The following ZNF804B variants were observed in gnomAD, a reference collection of about 807,000 sequenced individuals.
The protein encoded by ZNF804B is zinc finger 804B.
ZNF804B carries 80 observed loss-of-function variants against 101.4 expected under a neutral mutation model. The ratio of observed to expected loss-of-function variants is 0.79; its 90% CI spans 0.66 to 0.95. The LOEUF is 0.95. Among genes scored for constraint, ZNF804B ranks in the 40% least tolerant of loss-of-function variants. The pLI is 0.00. For missense variants in ZNF804B, 1,673 were observed against 1,561.9 expected (o/e 1.07, Z -1.20); for synonymous variants, 622 against 558.8 (o/e 1.11, Z -1.59).
chr7:89,308,273 T>C (rs1584117011), intron 2 of ZNF804B, among the ~76,000 whole-genome samples: 1 of 152,158 alleles, frequency 6.6e-6, no homozygotes, highest in Non-Finnish European at 1.5e-5. Flanking sequence ...GCAATACTAG[T>C]GAAATGCATG....
At chr7:88,971,828 T>C (rs1006465223) in intron 1 of ZNF804B, among the ~76,000 whole-genome samples, 1 of 151,562 alleles carries the variant, frequency 6.6e-6, no homozygotes. Context: ...GTGCATTCAC[T>C]CTGTGAGGAC....
At chr7:89,329,211 G>C (rs1468136) in intron 3 of ZNF804B, among the ~76,000 whole-genome samples, 33,014 of 151,496 alleles carry the variant, frequency 0.22, 4,050 homozygotes, top group Admixed American at 0.28. Flanking sequence ...GTATTGTTAT[G>C]GAAAAGACAA....
intron 3 of ZNF804B, among the ~76,000 whole-genome samples, chr7:89,331,021 A>G (rs1790968927): frequency 6.6e-6 from 1 of 151,124 alleles, no homozygotes; most frequent in South Asian, 2.1e-4. Flanking sequence ...ATTTAACATG[A>G]TATAATAAAT....
At chr7:88,771,849 AGAG>A (rs1790070284) in intron 1 of ZNF804B, among the ~76,000 whole-genome samples, 1 of 152,096 alleles carries the variant, frequency 6.6e-6, no homozygotes, top group African/African-American at 2.4e-5. Context: ...TCATTACTTG[AGAG>A]GAGATATGAA....
At chr7:88,868,374 G>T (rs1429476867) in intron 1 of ZNF804B, among the ~76,000 whole-genome samples, 4 of 152,038 alleles carry the variant, frequency 2.6e-5, no homozygotes, top group East Asian at 1.9e-4. Context: ...ACAGAATAAA[G>T]GTATTTGAGT....
At chr7:88,893,540 T>C (rs894805733) in intron 1 of ZNF804B, among the ~76,000 whole-genome samples, 1 of 151,962 alleles carries the variant, frequency 6.6e-6, no homozygotes, top group South Asian at 2.1e-4. Flanking sequence ...TCAAAAACCA[T>C]ACAGTAGAAA....
chr7:89,258,978 A>AT (rs113653865), intron 2 of ZNF804B, among the ~76,000 whole-genome samples: 2,265 of 149,500 alleles, frequency 0.015, 53 homozygotes, highest in African/African-American at 0.05. Flanking sequence ...TTTCTGTCTG[A>AT]TTTTTTTTTT....
intron 2 of ZNF804B, among the ~76,000 whole-genome samples, chr7:89,263,619 G>A (rs892194499): frequency 4.0e-5 from 6 of 151,686 alleles, no homozygotes; most frequent in African/African-American, 1.5e-4. Context: ...ACTTATGCAG[G>A]TGTCATTAAG....
chr7:89,282,060 G>C (rs989344316), intron 2 of ZNF804B, among the ~76,000 whole-genome samples: 1 of 151,906 alleles, frequency 6.6e-6, no homozygotes, highest in African/African-American at 2.4e-5. Flanking sequence ...AATTAGCCGG[G>C]CGTGGTGGCG....
At chr7:88,975,245 G>A (rs2116120393) in intron 1 of ZNF804B, among the ~76,000 whole-genome samples, 1 of 151,294 alleles carries the variant, frequency 6.6e-6, no homozygotes, top group Admixed American at 6.6e-5. Flanking sequence ...AACATGGGAG[G>A]GCAGATGTCT....
chr7:89,020,619 G>T (rs932764345), intron 1 of ZNF804B, among the ~76,000 whole-genome samples: 1 of 152,094 alleles, frequency 6.6e-6, no homozygotes, highest in African/African-American at 2.4e-5. Context: ...AGACTTGGAA[G>T]TTTTCAGCTA....
At chr7:89,163,649 G>A (rs983658669) in intron 1 of ZNF804B, among the ~76,000 whole-genome samples, 6 of 150,976 alleles carry the variant, frequency 4.0e-5, no homozygotes, top group Non-Finnish European at 8.9e-5. Flanking sequence ...AACGGAAACA[G>A]CATTGGTCAC....
intron 1 of ZNF804B, among the ~76,000 whole-genome samples, chr7:88,871,687 G>A (rs1342760285): frequency 6.6e-6 from 1 of 152,064 alleles, no homozygotes; most frequent in Admixed American, 6.6e-5. Flanking sequence ...AACTGGGCTG[G>A]GTGCTGTGGC....
intron 2 of ZNF804B, among the ~76,000 whole-genome samples, chr7:89,310,149 T>G (rs1245734916): frequency 6.6e-6 from 1 of 151,726 alleles, no homozygotes; most frequent in Non-Finnish European, 1.5e-5. Flanking sequence ...TGGAATGCAG[T>G]TCTGATGCTT....
At chr7:88,832,982 G>A (rs1465523347) in intron 1 of ZNF804B, among the ~76,000 whole-genome samples, 1 of 151,984 alleles carries the variant, frequency 6.6e-6, no homozygotes, top group Non-Finnish European at 1.5e-5. Flanking sequence ...AAATACATCA[G>A]TGTCAGTGCA....
intron 2 of ZNF804B, among the ~76,000 whole-genome samples, chr7:89,304,552 T>C (rs113317913): frequency 4.0e-5 from 6 of 151,574 alleles, no homozygotes; most frequent in African/African-American, 1.2e-4. Context: ...TATGTGTGTG[T>C]CTATCTGTGT....
intron 1 of ZNF804B, among the ~76,000 whole-genome samples, chr7:88,886,335 A>G (rs1250761901): frequency 6.6e-6 from 1 of 152,086 alleles, no homozygotes; most frequent in Non-Finnish European, 1.5e-5. Flanking sequence ...GAGGAGCAGA[A>G]AAGATAACTA....
chr7:89,039,030 AT>A lies in ZNF804B; in HGVS notation c.109-179117del, dbSNP rs199668794. Among the ~76,000 whole-genome samples the A allele has an allele frequency of 1.5e-4, 22 of 151,506 alleles. 2 individuals are homozygous for A. Among genetic ancestry groups the A allele is most frequent in the African/African-American group, 3.4e-4 (14 of 41,362 alleles). Reference sequence around the variant, plus strand: ...TTATTGGCCAGTATGGTGATTTTCTATTTTTTTTATTGCCAATATCACGACA... The same window carrying A: ...TTATTGGCCAGTATGGTGATTTTCTATTTTTTTATTGCCAATATCACGACA... On this transcript the variant is annotated intron_variant, in intron 1 of 3. Transcript: ENST00000333190.
chr7:88,797,436 G>A (rs1353180107), intron 1 of ZNF804B, among the ~76,000 whole-genome samples: 1 of 152,082 alleles, frequency 6.6e-6, no homozygotes, highest in Non-Finnish European at 1.5e-5. Context: ...AGTCCTCCCT[G>A]CTTTCTTTCC....
Sources: gnomAD v4.1 joint callset for allele counts (sites outside exome capture counted in the v4.1 genomes callset) on GRCh38, gnomAD v4.1.1 for gene constraint, MANE v1.5 for transcripts, NCBI Gene and HGNC (gene_info 2026-07-23, HGNC 2026-07-21) for gene names.